Variants in DYNC2H1 observed in about 807,000 individuals in gnomAD.
The protein encoded by DYNC2H1 is dynein cytoplasmic 2 heavy chain 1.
Under a neutral mutation model 570.0 loss-of-function variants are expected in DYNC2H1, and 410 were observed. The ratio of observed to expected loss-of-function variants is 0.72; its 90% CI spans 0.66 to 0.78. The LOEUF is 0.78. DYNC2H1 is among the 30% of genes least tolerant of loss of function. The pLI is 0.00. For missense variants in DYNC2H1, 4,865 were observed against 5,046.4 expected (o/e 0.96, Z 1.09); for synonymous variants, 1,688 against 1,677.6 (o/e 1.01, Z -0.15).
chr11:103,240,754 G>GAA, intron 63 of DYNC2H1, among the ~76,000 whole-genome samples: 1 of 152,010 alleles, frequency 6.6e-6, no homozygotes, highest in Non-Finnish European at 1.5e-5. Context: ...ACTGTTGTTG[G>GAA]AGTGATTTTT....
rs111266439 is a variant in DYNC2H1 at position 103,231,821 on chromosome 11, T to C, written c.9440+475T>C. On this transcript the variant is annotated intron_variant, in intron 60 of 88. Coordinates refer to ENST00000375735, the MANE Select transcript of DYNC2H1 (RefSeq NM_001377.3). ...CAAGAAATTATTCAGATTAAAACTATGAATTTTTTCTCTACGTTCAGGAAA... is the reference window on the plus strand; with the variant it reads ...CAAGAAATTATTCAGATTAAAACTACGAATTTTTTCTCTACGTTCAGGAAA... 2.0e-3 allele frequency among the ~76,000 whole-genome samples: 308 copies of C among 152,152 alleles called. 1 individual carries two copies. Among genetic ancestry groups the C allele is most frequent in the Middle Eastern group, 6.8e-3 (2 of 294 alleles).
intron 10 of DYNC2H1, among the ~76,000 whole-genome samples, chr11:103,122,302 G>C (rs530541388): frequency 6.6e-6 from 1 of 152,254 alleles, no homozygotes; most frequent in African/African-American, 2.4e-5. Flanking sequence ...TTGTATTTTT[G>C]ATGTTTTATT....
intron 83 of DYNC2H1, among the ~76,000 whole-genome samples, chr11:103,399,235 G>A (rs1229421484): frequency 2.0e-5 from 3 of 146,342 alleles, no homozygotes; most frequent in Non-Finnish European, 3.0e-5. Context: ...CTCCATCTCC[G>A]GGGTTCAAGC....
At chr11:103,383,123 C>G (rs905542775) in intron 83 of DYNC2H1, among the ~76,000 whole-genome samples, 3 of 152,162 alleles carry the variant, frequency 2.0e-5, no homozygotes, top group African/African-American at 4.8e-5. Context: ...GATTCTTTGG[C>G]TGAGGCTGAG....
At chr11:103,276,761 A>G (rs180958521) in intron 70 of DYNC2H1, among the ~76,000 whole-genome samples, 16 of 152,072 alleles carry the variant, frequency 1.1e-4, no homozygotes, top group Admixed American at 1.0e-3. Context: ...ACTTTTGGAT[A>G]TTGTTATATA....
intron 75 of DYNC2H1, among the ~76,000 whole-genome samples, chr11:103,293,617 T>G (rs964224685): frequency 4.8e-5 from 7 of 146,286 alleles, no homozygotes; most frequent in Non-Finnish European, 7.5e-5. Context: ...TTATTCTTCT[T>G]TCTTTTTCTC....
In DYNC2H1 at chr11:103,117,695, T is replaced by C; in HGVS notation, c.831T>C (p.Tyr277=). The C allele has an allele frequency of 6.2e-7, 1 of 1,612,726 alleles. No individual in the cohort carries two copies. Among genetic ancestry groups the C allele is most frequent in the African/African-American group, 1.3e-5 (1 of 75,038 alleles). The change falls in exon 6 of 89, where the codon TAT becomes TAC. Residue 277 remains tyrosine (Y), a synonymous_variant. Transcript: ENST00000375735. Reference sequence around the variant, plus strand: ...CTTTGAACCTGTGGGAAGATCCTTATTATCTTGTGAAAGAAAGTCTGAAAG... The same window carrying C: ...CTTTGAACCTGTGGGAAGATCCTTACTATCTTGTGAAAGAAAGTCTGAAAG... ...LGTLNLWEDP[Y]YLVKESLKAG...
chr11:103,127,212 C>T (rs1406092797), intron 12 of DYNC2H1, among the ~76,000 whole-genome samples: 6 of 152,134 alleles, frequency 3.9e-5, no homozygotes, highest in Non-Finnish European at 7.4e-5. Context: ...GGCTTGCTTA[C>T]TTTAATATGG....
intron 84 of DYNC2H1, among the ~76,000 whole-genome samples, chr11:103,414,546 G>C (rs1943207994): frequency 6.6e-6 from 1 of 151,690 alleles, no homozygotes. Flanking sequence ...TTGAACCCAG[G>C]AGAAAGAAAT....
chr11:103,168,479 A>G (rs920432602), intron 31 of DYNC2H1, among the ~76,000 whole-genome samples: 1 of 152,230 alleles, frequency 6.6e-6, no homozygotes. Flanking sequence ...CAGAGGGAGA[A>G]GCAGAGTGGA....
At chr11:103,301,425 T>C (rs980890849) in intron 75 of DYNC2H1, among the ~76,000 whole-genome samples, 8 of 151,972 alleles carry the variant, frequency 5.3e-5, no homozygotes, top group Non-Finnish European at 1.0e-4. Flanking sequence ...TTGGCCTAGA[T>C]GTTTATTGAG....
intron 31 of DYNC2H1, 114 bp from the exon 32 acceptor site, chr11:103,168,641 G>A (rs953894093): frequency 6.2e-6 from 7 of 1,121,444 alleles, no homozygotes; most frequent in Non-Finnish European, 5.1e-6. Context: ...ATTCATATGT[G>A]TCATGAAATT....
intron 31 of DYNC2H1, among the ~76,000 whole-genome samples, chr11:103,166,621 C>A (rs1474383195): frequency 6.6e-6 from 1 of 152,080 alleles, no homozygotes; most frequent in Non-Finnish European, 1.5e-5. Flanking sequence ...CAATTCTTTT[C>A]TTTTAGCATT....
At chr11:103,414,429 A>C (rs988399720) in intron 84 of DYNC2H1, among the ~76,000 whole-genome samples, 2 of 151,992 alleles carry the variant, frequency 1.3e-5, no homozygotes, top group African/African-American at 4.8e-5. Context: ...GACCAGCCTG[A>C]CCAACATGGT....
chr11:103,317,542 A>G (rs1258910666), intron 80 of DYNC2H1, among the ~76,000 whole-genome samples: 1 of 152,112 alleles, frequency 6.6e-6, no homozygotes. Context: ...ACCATAAACA[A>G]CTTTAGTTTT....
At chr11:103,238,142 C>T (rs1864292546) in intron 63 of DYNC2H1, among the ~76,000 whole-genome samples, 1 of 152,126 alleles carries the variant, frequency 6.6e-6, no homozygotes, top group Non-Finnish European at 1.5e-5. Context: ...TAATCTGTAA[C>T]ATCAACTCAT....
At chr11:103,408,949 C>T (rs1473107658) in intron 84 of DYNC2H1, among the ~76,000 whole-genome samples, 1 of 151,952 alleles carries the variant, frequency 6.6e-6, no homozygotes, top group Non-Finnish European at 1.5e-5. Context: ...TTGTTTATAT[C>T]CCGCCGGATA....
intron 87 of DYNC2H1, among the ~76,000 whole-genome samples, chr11:103,458,077 T>C (rs1402545304): frequency 6.6e-6 from 1 of 152,236 alleles, no homozygotes; most frequent in Non-Finnish European, 1.5e-5. Flanking sequence ...AGTAGTGTCC[T>C]AGGCCTTCAC....
chr11:103,152,201 T>A lies in DYNC2H1; in HGVS notation c.3012T>A (p.Gly1004=). Residue 1004 remains glycine (G), a synonymous_variant, in exon 21 of 89, where the codon GGT becomes GGA. Transcript: ENST00000375735. ...NRLLRTVAGG[G]LETISNLKAK... ...TTTTACGAACTGTGGCTGGTGGAGGTTTAGAAACAATTAGTAATTTGAAAG... is the reference window on the plus strand; with the variant it reads ...TTTTACGAACTGTGGCTGGTGGAGGATTAGAAACAATTAGTAATTTGAAAG... 6.2e-7 allele frequency: 1 copy of A among 1,606,484 alleles called. No individual in the cohort carries two copies. Among genetic ancestry groups the A allele is most frequent in the South Asian group, 1.1e-5 (1 of 89,438 alleles).
Sources: gnomAD v4.1 joint callset for allele counts (sites outside exome capture counted in the v4.1 genomes callset) on GRCh38, gnomAD v4.1.1 for gene constraint, MANE v1.5 for transcripts, NCBI Gene and HGNC (gene_info 2026-07-23, HGNC 2026-07-21) for gene names.